MTREX: variants seen among roughly 807,000 people sequenced by gnomAD.
The protein encoded by MTREX is Mtr4 exosome RNA helicase, also known as exosome RNA helicase MTR4.
In MTREX, 76 loss-of-function variants were observed where a neutral mutation model predicts 135.4. The ratio of observed to expected loss-of-function variants is 0.56; its 90% confidence interval spans 0.47 to 0.68. The LOEUF is 0.68. Ranked by LOEUF, MTREX falls within the 30% of genes least tolerant of loss-of-function variation. The pLI, the probability that MTREX is intolerant of heterozygous loss-of-function variation, is 0.00. For missense variants in MTREX, 920 were observed against 1,262.1 expected (o/e 0.73, Z 4.11); for synonymous variants, 404 against 401.6 (o/e 1.01, Z -0.07).
At chr5:55,308,386 G>A (rs1402735414) in intron 1 of MTREX, among the ~76,000 whole-genome samples, 1 of 151,996 alleles carries the variant, frequency 6.6e-6, no homozygotes, top group Non-Finnish European at 1.5e-5. Flanking sequence ...TTACGTCGAT[G>A]TTACTGATTC....
At chr5:55,352,375 C>G (rs1309466523) in intron 13 of MTREX, among the ~76,000 whole-genome samples, 1 of 151,896 alleles carries the variant, frequency 6.6e-6, no homozygotes, top group Admixed American at 6.6e-5. Flanking sequence ...TTGCTGAGCC[C>G]TACTTTTTAA....
chr5:55,320,846 C>T (rs975717466), intron 1 of MTREX, among the ~76,000 whole-genome samples: 2 of 152,060 alleles, frequency 1.3e-5, no homozygotes. Flanking sequence ...CACAATTTTC[C>T]GAAAAGTCTA....
chr5:55,345,178 C>T lies in MTREX; in HGVS notation c.1090C>T (p.Arg364Trp), dbSNP rs374723766. The stretch of plus-strand genomic sequence containing the variant: ...TTTGGCCAAAGGAGACCAGAAAGGG[C>T]GGAAAGGAGGAACAAAAGGTAATTT... ...GDLAKGDQKGRKGGTKGPSNV... is the reference protein window; with the variant it reads ...GDLAKGDQKGWKGGTKGPSNV... Residue 364 changes from arginine to tryptophan, a missense_variant, in exon 10 of 27, where the codon CGG (arginine) becomes TGG (tryptophan). Coordinates refer to ENST00000230640, the MANE Select transcript of MTREX (RefSeq NM_015360.5). 204 of 1,608,892 alleles carry T rather than the reference C, an allele frequency of 1.3e-4. No individual in the cohort carries two copies. The highest frequency in any genetic ancestry group is 1.6e-4 in the Non-Finnish European group (187 of 1,176,100).
chr5:55,321,837 G>A (rs150836456), intron 1 of MTREX, among the ~76,000 whole-genome samples: 128 of 152,076 alleles, frequency 8.4e-4, no homozygotes, highest in African/African-American at 2.9e-3. Flanking sequence ...TCTAACTCCC[G>A]ACCTCAAGTG....
Position 55,404,956 on chromosome 5 carries a change from C to T in MTREX, c.2482-469C>T, listed in dbSNP as rs924207200. 4.6e-5 allele frequency among the ~76,000 whole-genome samples: 7 copies of T among 151,816 alleles called. No individual in the cohort carries two copies. In the East Asian group the frequency reaches 9.7e-4, roughly 21 times the overall value. ...GTAGCTGGGACTACAGGCATGCGCC[C>T]GCCACCATGCCCAGCTGATTTTTTG... On this transcript the variant is annotated intron_variant, in intron 21 of 26. Coordinates refer to ENST00000230640, the MANE Select transcript of MTREX (RefSeq NM_015360.5).
chr5:55,413,013 G>A (rs1328518245), intron 23 of MTREX, among the ~76,000 whole-genome samples: 4 of 151,812 alleles, frequency 2.6e-5, no homozygotes, highest in African/African-American at 9.7e-5. Context: ...AATAAAGGCA[G>A]ATATGTCGCA....
intron 19 of MTREX, among the ~76,000 whole-genome samples, chr5:55,394,115 A>G (rs1216285752): frequency 6.6e-6 from 1 of 152,246 alleles, no homozygotes; most frequent in African/African-American, 2.4e-5. Flanking sequence ...TTTGAAGGAA[A>G]TTCACAGATA....
intron 15 of MTREX, among the ~76,000 whole-genome samples, chr5:55,361,404 G>C (rs776485797): frequency 3.9e-5 from 6 of 152,092 alleles, no homozygotes; most frequent in Non-Finnish European, 8.8e-5. Context: ...GTTGCTGGTT[G>C]GAGCTTTCAA....
At chr5:55,374,043 A>C (rs1173015115) in intron 16 of MTREX, among the ~76,000 whole-genome samples, 2 of 152,086 alleles carry the variant, frequency 1.3e-5, no homozygotes, top group African/African-American at 4.8e-5. Flanking sequence ...GGATCACTTG[A>C]GGCCAGGAGT....
rs532577582 is a variant in MTREX at position 55,308,067 on chromosome 5, C to A, written c.54C>A (p.Thr18=). ...ELFSVFEGDS[T]TAAGTKKDKE... is the part of the protein sequence containing the mutation. Reference sequence around the variant, plus strand: ...TCAGCGTGTTCGAGGGCGACTCGACCACTGCGGCGGGAACCAAAAAAGACA... The same window carrying A: ...TCAGCGTGTTCGAGGGCGACTCGACAACTGCGGCGGGAACCAAAAAAGACA... Residue 18 remains threonine (T), a synonymous_variant, in exon 1 of 27, where the codon ACC becomes ACA. Coordinates refer to ENST00000230640, the MANE Select transcript of MTREX (RefSeq NM_015360.5). 139 of 1,614,018 alleles carry A rather than the reference C, an allele frequency of 8.6e-5. 1 individual carries two copies. In the South Asian group the frequency reaches 1.4e-3, roughly 16 times the overall value.
chr5:55,312,033 G>A (rs1467405708), intron 1 of MTREX, among the ~76,000 whole-genome samples: 1 of 152,140 alleles, frequency 6.6e-6, no homozygotes, highest in African/African-American at 2.4e-5. Flanking sequence ...AGATTGACAA[G>A]TTGGCGAAAA....
intron 14 of MTREX, 135 bp downstream of exon 14, chr5:55,353,404 G>GT: frequency 1.9e-6 from 1 of 535,452 alleles, no homozygotes; most frequent in Non-Finnish European, 3.1e-6. Flanking sequence ...TTTCATCAAG[G>GT]TTAAACCTTG....
At chr5:55,312,310 A>G (rs1417779448) in intron 1 of MTREX, among the ~76,000 whole-genome samples, 3 of 152,194 alleles carry the variant, frequency 2.0e-5, no homozygotes, top group Admixed American at 2.0e-4. Flanking sequence ...GTTGTGCCCT[A>G]AGGAAGTTTC....
rs947579789 is a variant in MTREX at position 55,359,587 on chromosome 5, A to C, written c.1659+889A>C. Reference sequence around the variant, plus strand: ...GAGTGAAGACAAAGCTTGTCTGTACATATTCATAATAATCGTATTGTGTCT... The same window carrying C: ...GAGTGAAGACAAAGCTTGTCTGTACCTATTCATAATAATCGTATTGTGTCT... On this transcript the variant is annotated intron_variant, in intron 15 of 26. Coordinates refer to ENST00000230640, the MANE Select transcript of MTREX (RefSeq NM_015360.5). Among the ~76,000 whole-genome samples, 3 of 152,180 alleles carry C rather than the reference A, an allele frequency of 2.0e-5. No homozygotes were observed. The East Asian group carries it at 5.8e-4, about 29-fold the overall frequency.
intron 4 of MTREX, among the ~76,000 whole-genome samples, chr5:55,328,029 A>G (rs1326994159): frequency 6.6e-6 from 1 of 152,218 alleles, no homozygotes; most frequent in Non-Finnish European, 1.5e-5. Context: ...AATGAAAGTT[A>G]TCAACCTTTC....
chr5:55,424,842 T>C lies in MTREX; in HGVS notation c.*70T>C. On this transcript the variant is annotated 3_prime_UTR_variant, in exon 27 of 27. Transcript: ENST00000230640. The stretch of plus-strand genomic sequence containing the variant: ...TTGATTACAGTTGACTACAAATGCC[T>C]GCAAGTGTGGATTTGGTTCTCCCAT... 2 of 1,099,106 alleles carry C rather than the reference T, an allele frequency of 1.8e-6. No individual in the cohort carries two copies. Among genetic ancestry groups the C allele is most frequent in the Non-Finnish European group, 2.8e-6 (2 of 720,174 alleles). The allele number at this position is 1,099,106 out of a possible 1,614,324, so 68.1% of individuals were successfully genotyped here. A position where few individuals can be genotyped will look rare whatever the true frequency, so the allele number is the denominator to read the frequency against.
chr5:55,316,642 A>G (rs928387102), intron 1 of MTREX, among the ~76,000 whole-genome samples: 2 of 152,164 alleles, frequency 1.3e-5, no homozygotes, highest in African/African-American at 4.8e-5. Context: ...CCTCAATATA[A>G]TAGAGCCATC....
chr5:55,368,817 G>A (rs1052983675), intron 16 of MTREX, among the ~76,000 whole-genome samples: 4 of 151,708 alleles, frequency 2.6e-5, no homozygotes, highest in Admixed American at 6.6e-5. Context: ...AAAAAAAATC[G>A]AAGATGACTG....
chr5:55,398,377 A>G (rs748894313), intron 20 of MTREX, among the ~76,000 whole-genome samples: 20 of 152,240 alleles, frequency 1.3e-4, no homozygotes, highest in Non-Finnish European at 2.9e-4. Flanking sequence ...GGATGCTTTC[A>G]GAGTAGAGTA....
Sources: gnomAD v4.1 joint callset for allele counts (sites outside exome capture counted in the v4.1 genomes callset) on GRCh38, gnomAD v4.1.1 for gene constraint, MANE v1.5 for transcripts, NCBI Gene and HGNC (gene_info 2026-07-23, HGNC 2026-07-21) for gene names.